Variants in DIXDC1 observed in about 807,000 individuals in gnomAD.
DIXDC1 encodes the protein DIX domain containing 1.
A neutral mutation model predicts 103.1 loss-of-function variants in DIXDC1; 64 were observed. The ratio of observed to expected loss-of-function variants is 0.62; its 90% confidence interval spans 0.51 to 0.76. The LOEUF (loss-of-function observed/expected upper bound fraction) is 0.76. DIXDC1 is among the 30% of genes least tolerant of loss of function. The pLI, the probability that DIXDC1 is intolerant of heterozygous loss-of-function variation, is 0.00. For missense variants in DIXDC1, 759 were observed against 834.2 expected, an observed-to-expected ratio of 0.91 and a Z score of 1.11; for synonymous variants, 266 against 298.5, an observed-to-expected ratio of 0.89 and a Z score of 1.12.
chr11:111,986,736 C>T, intron 8 of DIXDC1, 135 bp from the exon 9 acceptor site: 3 of 614,316 alleles, frequency 4.9e-6, no homozygotes, highest in Non-Finnish European at 8.2e-6. Flanking sequence ...CATCAGAGAG[C>T]AGGAACTGTT....
intron 8 of DIXDC1, among the ~76,000 whole-genome samples, chr11:111,986,221 A>C (rs1304153422): frequency 6.6e-6 from 1 of 152,126 alleles, no homozygotes; most frequent in Non-Finnish European, 1.5e-5. Context: ...ACCCTTCTGC[A>C]TACAACTTTT....
At chr11:111,986,290 A>C (rs1555173811) in intron 8 of DIXDC1, among the ~76,000 whole-genome samples, 11 of 151,604 alleles carry the variant, frequency 7.3e-5, no homozygotes, top group Non-Finnish European at 1.6e-4. Flanking sequence ...ATTTCTCTCC[A>C]AATTCATCTC....
At position 111,994,201 on chromosome 11, in the gene DIXDC1, A is replaced by G. The variant is rs149341801; in HGVS notation, c.1437+461A>G. The stretch of plus-strand genomic sequence containing the variant: ...CAGGAGTTTGAGACCAGCCTGGCCA[A>G]TGTGGTGAAACCTCGTCTCTACTAA... On this transcript the variant is annotated intron_variant, in intron 14 of 19. Transcript: ENST00000440460. Among the ~76,000 whole-genome samples, 4 of 152,242 alleles carry G rather than the reference A, an allele frequency of 2.6e-5. No homozygotes were observed. The East Asian group carries it at 7.7e-4, about 29-fold the overall frequency.
intron 10 of DIXDC1, among the ~76,000 whole-genome samples, chr11:111,991,387 C>T (rs1305590181): frequency 1.3e-5 from 2 of 152,198 alleles, no homozygotes; most frequent in Non-Finnish European, 2.9e-5. Context: ...TCCCATGGAG[C>T]ACATTTTGGG....
At chr11:112,006,389 T>G (rs1425752032) in intron 17 of DIXDC1, among the ~76,000 whole-genome samples, 2 of 152,230 alleles carry the variant, frequency 1.3e-5, no homozygotes, top group Non-Finnish European at 2.9e-5. Context: ...CAGAAACTTC[T>G]GCATACTTAA....
In DIXDC1 at chr11:111,964,773, T is replaced by G. The variant is rs1859675562; in HGVS notation, c.190+95T>G. The G allele has an allele frequency of 3.5e-6, 5 of 1,408,586 alleles. 1 individual carries two copies. The South Asian group carries it at 7.7e-5, about 22-fold the overall frequency. The allele number at this position is 1,408,586 out of a possible 1,614,324, so 87.3% of individuals were successfully genotyped here. On this transcript the variant is annotated intron_variant, in intron 2 of 19. Transcript: ENST00000440460. ...CCCTTTAGAGCAGGTTATTTTTTCT[T>G]TAGAATATATGGCAGTAGAGGTAGA...
At chr11:111,955,228 C>G (rs1397637336) in intron 1 of DIXDC1, among the ~76,000 whole-genome samples, 2 of 149,298 alleles carry the variant, frequency 1.3e-5, no homozygotes, top group African/African-American at 2.5e-5. Flanking sequence ...TTCAGCTACT[C>G]GGGAGGCTGA....
chr11:111,991,752 A>C (rs1555174561), intron 10 of DIXDC1, among the ~76,000 whole-genome samples: 2 of 152,228 alleles, frequency 1.3e-5, no homozygotes, highest in African/African-American at 4.8e-5. Flanking sequence ...ATCATGAATC[A>C]AAGAACAGTT....
intron 17 of DIXDC1, among the ~76,000 whole-genome samples, chr11:111,999,910 C>T (rs587751327): frequency 1.3e-5 from 2 of 151,552 alleles, no homozygotes; most frequent in African/African-American, 2.4e-5. Flanking sequence ...CTGAAGCAGG[C>T]GGATCACCTG....
At chr11:112,003,589 A>C (rs1161162642) in intron 17 of DIXDC1, among the ~76,000 whole-genome samples, 13 of 152,126 alleles carry the variant, frequency 8.5e-5, no homozygotes, top group Non-Finnish European at 1.8e-4. Context: ...ACCTGAGGTT[A>C]GGGGTTCAAG....
chr11:111,982,389 A>G lies in DIXDC1; in HGVS notation c.820A>G (p.Thr274Ala). Residue 274 changes from threonine (T) to alanine (A), a missense_variant, in exon 7 of 20, where the codon ACC becomes GCC. Physicochemically the swap from Thr to Ala is moderately conservative, Grantham distance 58. Coordinates refer to ENST00000440460, the MANE Select transcript of DIXDC1 (RefSeq NM_001037954.4). ...SRDWRPGSPG[T>A]YLETSWEEQL... ...AGACTGGCGGCCAGGGAGCCCTGGA[A>G]CCTATCTGGAGACCTCATGGGAAGA... 6.2e-7 allele frequency: 1 copy of G among 1,613,972 alleles called. No homozygotes were observed. Among genetic ancestry groups the G allele is most frequent in the Non-Finnish European group, 8.5e-7 (1 of 1,179,874 alleles).
intron 5 of DIXDC1, chr11:111,975,236 CATG>C: frequency 7.9e-7 from 1 of 1,270,906 alleles, no homozygotes; most frequent in Non-Finnish European, 1.0e-6. Flanking sequence ...ACTGTGACCA[CATG>C]GGGGCATGGC....
chr11:111,982,577 T>C (rs1372665620), intron 7 of DIXDC1, 90 bp downstream of exon 7: 1 of 1,414,672 alleles, frequency 7.1e-7, no homozygotes, highest in Non-Finnish European at 9.6e-7. Context: ...TTTAGTTTTC[T>C]AGGAGGTCAG....
At chr11:111,996,332 C>T (rs1189427770) in intron 17 of DIXDC1, 186 bp downstream of exon 17, 1 of 492,474 alleles carries the variant, frequency 2.0e-6, no homozygotes, top group African/African-American at 2.0e-5. Flanking sequence ...ATCACCACCC[C>T]CAGTGCCATT....
In DIXDC1 at chr11:111,958,241, A is replaced by G. The variant is rs1190267567; in HGVS notation, c.61-6308A>G. ...CCCAAACCATGGCTGTGGACCAGGC[A>G]TCCCTGTGCTCTTGGGGGCCAGGAG... On this transcript the variant is annotated intron_variant, in intron 1 of 19. Transcript: ENST00000440460. The surrounding 1 kb of genome is among the most constrained non-coding windows in gnomAD (Gnocchi z 4.2). Among the ~76,000 whole-genome samples the G allele has an allele frequency of 2.6e-5, 4 of 151,918 alleles. No homozygotes were observed. Among genetic ancestry groups the G allele is most frequent in the Non-Finnish European group, 5.9e-5 (4 of 67,926 alleles).
At chr11:111,949,978 G>A (rs1966725170) in intron 1 of DIXDC1, among the ~76,000 whole-genome samples, 1 of 151,746 alleles carries the variant, frequency 6.6e-6, no homozygotes, top group African/African-American at 2.4e-5. Context: ...TTATTTATGT[G>A]CCTGTAAGCA....
intron 1 of DIXDC1, among the ~76,000 whole-genome samples, chr11:111,950,160 A>G (rs1255504950): frequency 6.6e-6 from 1 of 151,904 alleles, no homozygotes; most frequent in Non-Finnish European, 1.5e-5. Flanking sequence ...GATGGAAGGG[A>G]TATGGTTTAA....
chr11:111,973,328 C>G (rs986684170), intron 3 of DIXDC1, among the ~76,000 whole-genome samples: 1 of 150,962 alleles, frequency 6.6e-6, no homozygotes, highest in Non-Finnish European at 1.5e-5. Flanking sequence ...GCCAAGATCA[C>G]GCCATTACAC....
chr11:111,946,768 G>A, intron 1 of DIXDC1: 1 of 488,844 alleles, frequency 2.0e-6, no homozygotes, highest in Non-Finnish European at 4.1e-6. Flanking sequence ...TGCAGATTTT[G>A]GTGTTTTCCC....
Sources: gnomAD v4.1 joint callset for allele counts (sites outside exome capture counted in the v4.1 genomes callset) on GRCh38, gnomAD v4.1.1 for gene constraint, Gnocchi (gnomAD v3.1) non-coding constraint, MANE v1.5 for transcripts, NCBI Gene and HGNC (gene_info 2026-07-23, HGNC 2026-07-21) for gene names.